CIT: variants seen among roughly 807,000 people sequenced by gnomAD.
CIT encodes the protein citron rho-interacting serine/threonine kinase, also known as citron Rho-interacting kinase.
In CIT, 79 loss-of-function variants were observed where a neutral mutation model predicts 272.7. That is an observed-to-expected ratio of 0.29 (90% CI 0.24 to 0.35). CIT has a LOEUF of 0.35. CIT is among the 10% of genes least tolerant of loss of function. The probability of loss-of-function intolerance (pLI) is 1.00; values close to 1 mark genes in which losing one functional copy is unlikely to be tolerated. For synonymous variants in CIT, 948 were observed against 995.6 expected, an observed-to-expected ratio of 0.95 and a Z score of 0.90; for missense variants, 1,909 against 2,618.3, an observed-to-expected ratio of 0.73 and a Z score of 5.91.
In CIT at chr12:119,686,041, A is replaced by G. The variant is rs1341435844; in HGVS notation, c.*2191T>C. The G allele has an allele frequency of 6.6e-6, 1 of 152,554 alleles. No individual in the cohort carries two copies. Among genetic ancestry groups the G allele is most frequent in the African/African-American group, 2.4e-5 (1 of 41,426 alleles). The allele number at this position is 152,554 out of a possible 1,614,324, so 9.5% of individuals were successfully genotyped here. ...CGGAGCTCCCCACCCTCCAGTGAAG[A>G]TGGCTGTCCACAACTACCACCATTG... On this transcript the variant is annotated 3_prime_UTR_variant, in exon 48 of 48. Coordinates refer to ENST00000392521, the MANE Select transcript of CIT (RefSeq NM_001206999.2).
chr12:119,691,395 C>T lies in CIT; in HGVS notation c.5883-941G>A, dbSNP rs192106283. 1.5e-3 allele frequency among the ~76,000 whole-genome samples: 221 copies of T among 152,278 alleles called. 1 individual carries two copies. The highest frequency in any genetic ancestry group is 5.2e-3 in the African/African-American group (215 of 41,550). ...ACTGTTAACTGCCATGTCTGTCCCA[C>T]TCCTGGGCCTCGTGTTTGGTCACCT... On this transcript the variant is annotated intron_variant, in intron 46 of 47. Transcript: ENST00000392521.
intron 28 of CIT, among the ~76,000 whole-genome samples, chr12:119,722,301 A>G (rs532988805): frequency 6.6e-6 from 1 of 152,242 alleles, no homozygotes; most frequent in African/African-American, 2.4e-5. Flanking sequence ...GTGTGGCCCA[A>G]ATAATCTCTT....
intron 39 of CIT, among the ~76,000 whole-genome samples, chr12:119,709,194 C>T (rs1034927130): frequency 1.3e-5 from 2 of 152,094 alleles, no homozygotes; most frequent in Non-Finnish European, 2.9e-5. Flanking sequence ...CTATATGATA[C>T]TCTATGTGTG....
Position 119,714,318 on chromosome 12 carries a change from A to G in CIT, c.4185T>C (p.Leu1395=). ...GAATATTGTGGTGCATGCGTTCCTT[A>G]AGACGCCGACTAAATTCTGGAGGAA... ...SSTPEEFSRR[L]KERMHHNIPH... Residue 1395 remains leucine, a synonymous_variant, in exon 33 of 48, where the codon CTT becomes CTC. Transcript: ENST00000392521. 3 of 1,614,106 alleles carry G rather than the reference A, an allele frequency of 1.9e-6. No individual in the cohort carries two copies. Among genetic ancestry groups the G allele is most frequent in the Non-Finnish European group, 2.5e-6 (3 of 1,180,014 alleles).
intron 46 of CIT, among the ~76,000 whole-genome samples, chr12:119,691,368 T>C (rs1050821666): frequency 1.3e-5 from 2 of 152,122 alleles, no homozygotes; most frequent in Non-Finnish European, 2.9e-5. Context: ...CCTGTACTGA[T>C]CACTGTTAAC....
intron 10 of CIT, among the ~76,000 whole-genome samples, chr12:119,799,458 G>A (rs545361551): frequency 1.3e-5 from 2 of 152,198 alleles, no homozygotes; most frequent in South Asian, 2.1e-4. Context: ...CAGAAAACTC[G>A]GGAAGCAATG....
At chr12:119,743,963 A>G (rs1959171329) in intron 23 of CIT, among the ~76,000 whole-genome samples, 1 of 152,258 alleles carries the variant, frequency 6.6e-6, no homozygotes, top group Admixed American at 6.5e-5. Flanking sequence ...TCAAAATTCA[A>G]TTAATTGAAA....
chr12:119,803,859 G>A (rs1295106291), intron 9 of CIT, among the ~76,000 whole-genome samples: 1 of 152,016 alleles, frequency 6.6e-6, no homozygotes, highest in Non-Finnish European at 1.5e-5. Context: ...TCTACATTTC[G>A]TGGATTAACC....
chr12:119,758,216 G>T (rs991953922), intron 21 of CIT, among the ~76,000 whole-genome samples: 3 of 152,170 alleles, frequency 2.0e-5, no homozygotes, highest in Admixed American at 1.3e-4. Context: ...TCCTTCCATA[G>T]GGTCTAACCT....
chr12:119,799,764 G>C (rs543786467), intron 10 of CIT, among the ~76,000 whole-genome samples: 8 of 151,668 alleles, frequency 5.3e-5, no homozygotes, highest in Admixed American at 4.6e-4. Context: ...AAGGCCCCGG[G>C]GGCTGCATGC....
intron 23 of CIT, among the ~76,000 whole-genome samples, chr12:119,749,447 A>G (rs1959914285): frequency 6.6e-6 from 1 of 152,220 alleles, no homozygotes; most frequent in African/African-American, 2.4e-5. Context: ...GTTTTTCAGA[A>G]CAAATTCAAC....
intron 7 of CIT, among the ~76,000 whole-genome samples, chr12:119,827,471 C>T (rs1035012922): frequency 9.9e-5 from 15 of 151,406 alleles, no homozygotes; most frequent in African/African-American, 3.2e-4. Context: ...TGGAGTCTCG[C>T]TCTGTCACCA....
At chr12:119,827,390 T>G (rs1172456690) in intron 7 of CIT, among the ~76,000 whole-genome samples, 2 of 151,952 alleles carry the variant, frequency 1.3e-5, no homozygotes, top group Admixed American at 1.3e-4. Flanking sequence ...TCAGCACAGG[T>G]TAGGGTTAAA....
chr12:119,815,937 C>CA (rs1157540909), intron 9 of CIT, among the ~76,000 whole-genome samples: 5 of 151,762 alleles, frequency 3.3e-5, no homozygotes, highest in African/African-American at 9.7e-5. Flanking sequence ...ACCACTTTTT[C>CA]AAAAAAACAA....
At chr12:119,730,082 C>T (rs950327131) in intron 27 of CIT, among the ~76,000 whole-genome samples, 2 of 152,138 alleles carry the variant, frequency 1.3e-5, no homozygotes, top group African/African-American at 4.8e-5. Flanking sequence ...ACTTGGAACA[C>T]GGAGAAGCTG....
intron 5 of CIT, among the ~76,000 whole-genome samples, chr12:119,836,112 C>T (rs1051540961): frequency 6.6e-6 from 1 of 151,572 alleles, no homozygotes; most frequent in African/African-American, 2.4e-5. Context: ...CATGGTGAAA[C>T]CCCGTCTTTA....
chr12:119,776,502 T>C (rs1963763085), intron 14 of CIT, 94 bp from the exon 15 acceptor site: 3 of 1,196,484 alleles, frequency 2.5e-6, no homozygotes, highest in Non-Finnish European at 3.6e-6. Context: ...AAGATAATAA[T>C]AGTAAATAAG....
rs566395503 is a variant in CIT at position 119,696,774 on chromosome 12, G to C, written c.5882+885C>G. 3.9e-5 allele frequency among the ~76,000 whole-genome samples: 6 copies of C among 152,220 alleles called. No homozygotes were observed. In the East Asian group the frequency reaches 1.2e-3, roughly 29 times the overall value. ...ACTCCTGGGCTCAAGTGATCTGCCA[G>C]CCCTCACCTCCCAAAGTGCTGGGAT... On this transcript the variant is annotated intron_variant, in intron 46 of 47. Transcript: ENST00000392521.
intron 7 of CIT, among the ~76,000 whole-genome samples, chr12:119,829,902 T>C (rs1178732539): frequency 1.3e-5 from 2 of 151,932 alleles, no homozygotes; most frequent in African/African-American, 2.4e-5. Flanking sequence ...GTGGGGGTGA[T>C]AGGGAAGGGA....
Sources: gnomAD v4.1 joint callset for allele counts (sites outside exome capture counted in the v4.1 genomes callset) on GRCh38, gnomAD v4.1.1 for gene constraint, MANE v1.5 for transcripts, NCBI Gene and HGNC (gene_info 2026-07-23, HGNC 2026-07-21) for gene names.